The following TRAPPC13 variants were observed in gnomAD, a reference collection of about 807,000 sequenced individuals.
TRAPPC13 encodes the protein REV7-interacting novel NHEJ regulator 1.
Under a neutral mutation model 54.0 loss-of-function variants are expected in TRAPPC13, and 39 were observed. The observed-to-expected ratio is 0.72, with a 90% CI of 0.56 to 0.94. The LOEUF (loss-of-function observed/expected upper bound fraction) is 0.94, where lower values mean the gene tolerates loss of function less well. Among genes scored for constraint, TRAPPC13 ranks in the 40% least tolerant of loss-of-function variants. The probability of loss-of-function intolerance (pLI) is 0.00; values close to 1 mark genes in which losing one functional copy is unlikely to be tolerated. For missense variants in TRAPPC13, 386 were observed against 488.1 expected (o/e 0.79, Z 1.97); for synonymous variants, 148 against 167.7 (o/e 0.88, Z 0.91).
chr5:65,662,124 T>C lies in TRAPPC13; in HGVS notation c.972T>C (p.His324=), dbSNP rs1756870093. The C allele has an allele frequency of 1.2e-6, 2 of 1,607,376 alleles. No individual in the cohort carries two copies. The highest frequency in any genetic ancestry group is 1.7e-5 in the Admixed American group (1 of 58,884). Residue 324 remains histidine (H), a synonymous_variant, in exon 11 of 13, where the codon CAT becomes CAC. Coordinates refer to ENST00000399438, the MANE Select transcript of TRAPPC13 (RefSeq NM_024941.4). ...CCGTAAACCTTGAAGAACCTTTTCA[T>C]ATTACCTGTAAAATAACAAACTGCA... ...PDTVNLEEPF[H]ITCKITNCSE... is the part of the protein sequence containing the mutation.
chr5:65,646,297 T>C (rs1397884093), intron 4 of TRAPPC13, among the ~76,000 whole-genome samples: 4 of 152,120 alleles, frequency 2.6e-5, no homozygotes, highest in African/African-American at 4.8e-5. Flanking sequence ...AGTGCTTTCT[T>C]AGTTGGTGGC....
chr5:65,643,379 T>C (rs1205232772), intron 4 of TRAPPC13, among the ~76,000 whole-genome samples: 1 of 152,148 alleles, frequency 6.6e-6, no homozygotes, highest in Non-Finnish European at 1.5e-5. Flanking sequence ...ATAAGAGCTA[T>C]TTTATCAATT....
At chr5:65,653,322 TGAA>T (rs1756540033) in intron 7 of TRAPPC13, among the ~76,000 whole-genome samples, 1 of 152,086 alleles carries the variant, frequency 6.6e-6, no homozygotes, top group Non-Finnish European at 1.5e-5. Context: ...TATTTTGAAA[TGAA>T]GATTATATCT....
At chr5:65,653,230 A>C (rs1756536240) in intron 7 of TRAPPC13, among the ~76,000 whole-genome samples, 1 of 152,016 alleles carries the variant, frequency 6.6e-6, no homozygotes, top group East Asian at 1.9e-4. Context: ...GCTGCAGAAA[A>C]ATCAGATCTC....
chr5:65,626,178 G>C (rs1034220071), intron 1 of TRAPPC13: 3 of 152,150 alleles, frequency 2.0e-5, no homozygotes, highest in Admixed American at 6.6e-5. Context: ...ACTAATTGTC[G>C]TGTTCTTTAT....
At chr5:65,653,134 CAAA>C (rs56915791) in intron 7 of TRAPPC13, among the ~76,000 whole-genome samples, 1 of 114,220 alleles carries the variant, frequency 8.8e-6, no homozygotes, top group African/African-American at 3.2e-5. Flanking sequence ...AGAACTTGCC[CAAA>C]AAAAAAAAAG....
At chr5:65,636,332 G>A (rs947955307) in intron 3 of TRAPPC13, among the ~76,000 whole-genome samples, 1 of 151,758 alleles carries the variant, frequency 6.6e-6, no homozygotes, top group African/African-American at 2.4e-5. Context: ...ATTGGAGACC[G>A]TGTTTTGCTA....
At chr5:65,662,370 CATTT>C (rs142968774) in intron 11 of TRAPPC13, 82,631 of 370,772 alleles carry the variant, frequency 0.22, 10,398 homozygotes, top group South Asian at 0.32. Context: ...TTATTTCATT[CATTT>C]GTCACACCCT....
At position 65,662,072 on chromosome 5, in the gene TRAPPC13, G is replaced by A; in HGVS notation, c.920G>A (p.Arg307Lys). 6.2e-7 allele frequency: 1 copy of A among 1,607,634 alleles called. No homozygotes were observed. The highest frequency in any genetic ancestry group is 8.5e-7 in the Non-Finnish European group (1 of 1,177,332). ...QRMAPGYGDV[R>K]LSLEAIPDTV... ...TAGGCTCCAGGTTATGGAGATGTTA[G>A]GTTGTCTTTGGAGGCAATACCAGAT... is the stretch of plus-strand genomic sequence containing the variant. Residue 307 changes from arginine (R) to lysine (K), a missense_variant, in exon 11 of 13, where the codon AGG (arginine) becomes AAG (lysine). Physicochemically the swap from Arg to Lys is conservative, Grantham distance 26. Coordinates refer to ENST00000399438, the MANE Select transcript of TRAPPC13 (RefSeq NM_024941.4).
chr5:65,647,140 ATGATG>A lies in TRAPPC13; in HGVS notation c.388_392del (p.Asp130HisfsTer4). On this transcript the variant is annotated frameshift_variant, in exon 5 of 13. Coordinates refer to ENST00000399438, the MANE Select transcript of TRAPPC13 (RefSeq NM_024941.4). LOFTEE classifies it high-confidence loss of function. Reference sequence around the variant, plus strand: ...GAACTTAAACCGGATTGTTGTATTGATGATGTCATACATCATGAAGTCAAAGAAAT... The same window carrying A: ...GAACTTAAACCGGATTGTTGTATTGATCATACATCATGAAGTCAAAGAAAT... 1 of 1,580,318 alleles carries A rather than the reference ATGATG, an allele frequency of 6.3e-7. No homozygotes were observed. The highest frequency in any genetic ancestry group is 2.3e-5 in the East Asian group (1 of 44,106).
chr5:65,643,483 C>CCA (rs1013812429), intron 4 of TRAPPC13, among the ~76,000 whole-genome samples: 7 of 151,706 alleles, frequency 4.6e-5, no homozygotes, highest in African/African-American at 1.7e-4. Context: ...TAGTGTATTT[C>CCA]TATATATATA....
In TRAPPC13 at chr5:65,665,040, C is replaced by CA. The variant is rs568433595; in HGVS notation, c.*436dup. The CA allele has an allele frequency of 2.5e-3, 460 of 187,712 alleles. 2 individuals carry two copies. Among genetic ancestry groups the CA allele is most frequent in the Non-Finnish European group, 3.2e-3 (295 of 91,766 alleles). The allele number at this position is 187,712 out of a possible 1,614,324, so 11.6% of individuals were successfully genotyped here. ...TCGTACTTCAAGAGCAGCCAGTAGG[C>CA]AAAAAAAGTACAGTGGTGTACACAA... On this transcript the variant is annotated 3_prime_UTR_variant, in exon 13 of 13. Transcript: ENST00000399438.
At position 65,662,139 on chromosome 5, in the gene TRAPPC13, A is replaced by C; in HGVS notation, c.987A>C (p.Ile329=). ...AACCTTTTCATATTACCTGTAAAATAACAAACTGCAGGTAATGCCACTGTT... is the reference window on the plus strand; with the variant it reads ...AACCTTTTCATATTACCTGTAAAATCACAAACTGCAGGTAATGCCACTGTT... ...LEEPFHITCK[I]TNCSERTMDL... The change falls in exon 11 of 13, where the codon ATA becomes ATC. Residue 329 remains isoleucine (I), a synonymous_variant. Transcript: ENST00000399438. The C allele has an allele frequency of 6.2e-7, 1 of 1,604,288 alleles. No individual in the cohort carries two copies. Among genetic ancestry groups the C allele is most frequent in the Non-Finnish European group, 8.5e-7 (1 of 1,175,556 alleles).
intron 7 of TRAPPC13, 52 bp from the exon 8 acceptor site, chr5:65,655,584 T>C: frequency 1.6e-6 from 1 of 638,494 alleles, no homozygotes; most frequent in Non-Finnish European, 2.3e-6. Flanking sequence ...TTCTTTTTTC[T>C]TTAACATTTA....
chr5:65,625,368 T>C (rs1483127184), intron 1 of TRAPPC13: 3 of 428,986 alleles, frequency 7.0e-6, no homozygotes, highest in Non-Finnish European at 1.2e-5. Context: ...CCGCAGAAGC[T>C]GACGTCCCGC....
chr5:65,636,641 CT>C (rs1403374145), intron 3 of TRAPPC13, among the ~76,000 whole-genome samples: 2 of 152,054 alleles, frequency 1.3e-5, no homozygotes, highest in East Asian at 3.9e-4. Flanking sequence ...ATGTAAACAT[CT>C]TTTTCAGAAG....
chr5:65,626,539 C>T (rs1000077933), intron 1 of TRAPPC13, among the ~76,000 whole-genome samples: 2 of 151,982 alleles, frequency 1.3e-5, no homozygotes, highest in Admixed American at 1.3e-4. Context: ...AGATCAAGAC[C>T]ATCCTGGCTA....
chr5:65,625,073 C>A lies in TRAPPC13; in HGVS notation c.13C>A (p.Pro5Thr). The A allele has an allele frequency of 6.2e-7, 1 of 1,613,652 alleles. No homozygotes were observed. The highest frequency in any genetic ancestry group is 8.5e-7 in the Non-Finnish European group (1 of 1,179,674). Residue 5 changes from proline to threonine, a missense_variant, in exon 1 of 13, where the codon CCC (proline) becomes ACC (threonine). Transcript: ENST00000399438. ...AGTGCCGGTCAAAATGGAAGTGAAT[C>A]CCCCTAAACAGGAGCACCTGCTGGC... MEVNPPKQEHLLALK... is the reference protein window; with the variant it reads MEVNTPKQEHLLALK...
At chr5:65,630,693 C>T (rs922752676) in intron 1 of TRAPPC13, 10 of 991,662 alleles carry the variant, frequency 1.0e-5, no homozygotes, top group Non-Finnish European at 1.1e-5. Context: ...AAATAAAACT[C>T]GAAACAATTC....
Sources: gnomAD v4.1 joint callset for allele counts (sites outside exome capture counted in the v4.1 genomes callset) on GRCh38, gnomAD v4.1.1 for gene constraint, MANE v1.5 for transcripts, NCBI Gene and HGNC (gene_info 2026-07-23, HGNC 2026-07-21) for gene names.